Variants in ZFAND5 observed in about 807,000 individuals in gnomAD.
The protein encoded by ZFAND5 is zinc finger AN1-type containing 5.
ZFAND5 carries 4 observed loss-of-function variants against 23.6 expected under a neutral mutation model. The observed-to-expected ratio is 0.17, with a 90% CI of 0.08 to 0.39. The LOEUF (loss-of-function observed/expected upper bound fraction) is 0.39, where lower values mean the gene tolerates loss of function less well. Among genes scored for constraint, ZFAND5 ranks in the 10% least tolerant of loss-of-function variants. The pLI is 1.00. For synonymous variants in ZFAND5, 68 were observed against 80.6 expected (o/e 0.84, Z 0.84); for missense variants, 161 against 253.7 (o/e 0.63, Z 2.48).
At chr9:72,360,453 GTAGA>G in intron 3 of ZFAND5, 171 bp downstream of exon 3, 4 of 918,142 alleles carry the variant, frequency 4.4e-6, no homozygotes, top group Non-Finnish European at 6.6e-6. Flanking sequence ...TAAGATGCTT[GTAGA>G]TAGTCATTCA....
In ZFAND5 at chr9:72,360,717, T is replaced by C; in HGVS notation, c.62A>G (p.Tyr21Cys). 2 of 1,614,120 alleles carry C rather than the reference T, an allele frequency of 1.2e-6. No homozygotes were observed. The highest frequency in any genetic ancestry group is 1.7e-6 in the Non-Finnish European group (2 of 1,179,970). ...PMLCSTGCGF[Y>C]GNPRTNGMCS... ...CATTCCATTTGTCCTAGGATTTCCA[T>C]AAAAGCCACATCCTGTGCTACACAG... The change falls in exon 3 of 7, where the codon TAT becomes TGT. Residue 21 changes from tyrosine to cysteine, a missense_variant. Physicochemically the swap from Tyr to Cys is radical, Grantham distance 194. Coordinates refer to ENST00000376962, the MANE Select transcript of ZFAND5 (RefSeq NM_001102420.3).
chr9:72,364,490 G>C (rs1026668221), intron 1 of ZFAND5: 38 of 1,281,716 alleles, frequency 3.0e-5, no homozygotes, highest in Non-Finnish European at 3.8e-5. Context: ...AGGGACGCCG[G>C]GAGCCAGGTC....
In ZFAND5 at chr9:72,351,806, AGAAACAAACAGGG is replaced by A; in HGVS notation, c.*4134_*4146del. On this transcript the variant is annotated 3_prime_UTR_variant, in exon 7 of 7. Coordinates refer to ENST00000376962, the MANE Select transcript of ZFAND5 (RefSeq NM_001102420.3). The stretch of plus-strand genomic sequence containing the variant: ...TTTTAAAGCAGATTGTACAAACAGG[AGAAACAAACAGGG>A]GAAACTGTATTTCCAGTTTCTTTTT... 1 of 152,056 alleles carries A rather than the reference AGAAACAAACAGGG, an allele frequency of 6.6e-6. No homozygotes were observed. The highest frequency in any genetic ancestry group is 1.9e-4 in the East Asian group (1 of 5,198). 9.4% of individuals were successfully genotyped at this position (152,056 alleles called of 1,614,324 possible).
chr9:72,360,483 G>T, intron 3 of ZFAND5, 145 bp downstream of exon 3: 1 of 1,101,642 alleles, frequency 9.1e-7, no homozygotes, highest in Non-Finnish European at 1.3e-6. Flanking sequence ...GATCAGTCAT[G>T]TCAAGCACTT....
At chr9:72,359,628 C>A in intron 4 of ZFAND5, 107 bp from the exon 5 acceptor site, 1 of 1,016,192 alleles carries the variant, frequency 9.8e-7, no homozygotes, top group South Asian at 1.7e-5. Flanking sequence ...CCAAAATGAG[C>A]AAATGGAGCT....
chr9:72,360,451 T>G (rs1293735621), intron 3 of ZFAND5, 177 bp downstream of exon 3: 11 of 909,646 alleles, frequency 1.2e-5, no homozygotes, highest in Non-Finnish European at 1.8e-5. Flanking sequence ...TATAAGATGC[T>G]TGTAGATAGT....
In ZFAND5 at chr9:72,360,669, T is replaced by A. The variant is rs764571638; in HGVS notation, c.110A>T (p.His37Leu). 1.2e-6 allele frequency: 2 copies of A among 1,614,102 alleles called. No homozygotes were observed. The highest frequency in any genetic ancestry group is 1.7e-6 in the Non-Finnish European group (2 of 1,179,938). The stretch of plus-strand genomic sequence containing the variant: ...GCCACTATTTTGCTGCCTCTGAAGA[T>A]GTTCTTTGTAGCAAACTGAACACAT... Reference protein sequence around the residue: ...NGMCSVCYKEHLQRQQNSGRM... With the variant: ...NGMCSVCYKELLQRQQNSGRM... The change falls in exon 3 of 7, where the codon CAT becomes CTT. Residue 37 changes from histidine (H) to leucine (L), a missense_variant. Physicochemically the swap from His to Leu is moderately conservative, Grantham distance 99 (BLOSUM62 -3). Around this residue, in one of 3 missense-constraint regions of ZFAND5, gnomAD observed 21 missense variants for 58.5 expected, o/e 0.36. Transcript: ENST00000376962.
Position 72,355,732 on chromosome 9 carries a change from A to T in ZFAND5, c.*221T>A, listed in dbSNP as rs541032456. ...ACTTTGCTGTGCAGATTTTCATCCA[A>T]TTTTTTTCAGGGGAGGGCATATACA... On this transcript the variant is annotated 3_prime_UTR_variant, in exon 7 of 7. Coordinates refer to ENST00000376962, the MANE Select transcript of ZFAND5 (RefSeq NM_001102420.3). The T allele has an allele frequency of 1.7e-4, 63 of 364,164 alleles. No homozygotes were observed. Among genetic ancestry groups the T allele is most frequent in the African/African-American group, 1.3e-3 (62 of 47,616 alleles). The allele number at this position is 364,164 out of a possible 1,614,324, so 22.6% of individuals were successfully genotyped here. A position where few individuals can be genotyped will look rare whatever the true frequency, so the allele number is the denominator to read the frequency against.
chr9:72,364,387 C>G (rs890058482), intron 1 of ZFAND5: 3 of 1,177,370 alleles, frequency 2.5e-6, no homozygotes, highest in Non-Finnish European at 3.2e-6. Flanking sequence ...GGTGCCCACG[C>G]CGGGCGCCGC....
intron 4 of ZFAND5, 114 bp downstream of exon 4, chr9:72,359,996 C>G (rs1316430402): frequency 1.2e-6 from 1 of 821,952 alleles, no homozygotes; most frequent in African/African-American, 1.7e-5. Context: ...TTAAAAGACA[C>G]TGAAATCCTC....
At position 72,364,768 on chromosome 9, in the gene ZFAND5, G is replaced by C. The variant is rs897428329; in HGVS notation, c.-219C>G. On this transcript the variant is annotated 5_prime_UTR_variant, in exon 1 of 7. Transcript: ENST00000376962. ...ACGATGAGGCCGGGCCGAGGCCTCC[G>C]GGAAGGCTGAGCCGGGCGCCCTGGT... is the stretch of plus-strand genomic sequence containing the variant. 2.4e-6 allele frequency: 1 copy of C among 423,886 alleles called. No individual in the cohort carries two copies. The allele number at this position is 423,886 out of a possible 1,614,324, so 26.3% of individuals were successfully genotyped here.
Position 72,354,097 on chromosome 9 carries a change from A to C in ZFAND5, c.*1856T>G, listed in dbSNP as rs905627437. On this transcript the variant is annotated 3_prime_UTR_variant, in exon 7 of 7. Coordinates refer to ENST00000376962, the MANE Select transcript of ZFAND5 (RefSeq NM_001102420.3). ...AATCTCTGTATTAGAGCCAAACCCAAAACAGAAATAAAACAGAACTCTTTT... is the reference window on the plus strand; with the variant it reads ...AATCTCTGTATTAGAGCCAAACCCACAACAGAAATAAAACAGAACTCTTTT... 8 of 152,216 alleles carry C rather than the reference A, an allele frequency of 5.3e-5. No individual in the cohort carries two copies. The highest frequency in any genetic ancestry group is 1.7e-4 in the African/African-American group (7 of 41,448). The allele number at this position is 152,216 out of a possible 1,614,324, so 9.4% of individuals were successfully genotyped here.
At chr9:72,364,485 C>G in intron 1 of ZFAND5, 5 of 1,280,786 alleles carry the variant, frequency 3.9e-6, no homozygotes, top group Non-Finnish European at 5.1e-6. Flanking sequence ...GAGCCAGGGA[C>G]GCCGGGAGCC....
intron 5 of ZFAND5, among the ~76,000 whole-genome samples, chr9:72,357,912 C>CT (rs1270002098): frequency 2.0e-5 from 3 of 152,142 alleles, no homozygotes; most frequent in Non-Finnish European, 4.4e-5. Flanking sequence ...AAAGCCCACA[C>CT]TGCCACTAGT....
intron 5 of ZFAND5, 43 bp from the exon 6 acceptor site, chr9:72,357,099 T>TA (rs1233505771): frequency 6.3e-7 from 1 of 1,589,038 alleles, no homozygotes; most frequent in Non-Finnish European, 8.6e-7. Context: ...ATTCACTGGC[T>TA]AACATTTTTA....
Position 72,360,882 on chromosome 9 carries a change from T to C in ZFAND5, c.-9-95A>G, listed in dbSNP as rs1324727507. On this transcript the variant is annotated intron_variant, in intron 2 of 6. Coordinates refer to ENST00000376962, the MANE Select transcript of ZFAND5 (RefSeq NM_001102420.3). ...ACCGTTGTAATTGCTACGCAAGTTT[T>C]AACAAAAGCCCAAATTCCGTTAATC... 7.0e-6 allele frequency: 8 copies of C among 1,150,318 alleles called. No individual in the cohort carries two copies. In the Admixed American group the frequency reaches 2.3e-4, roughly 33 times the overall value. 71.3% of individuals were successfully genotyped at this position (1,150,318 alleles called of 1,614,324 possible).
intron 1 of ZFAND5, 140 bp from the exon 2 acceptor site, chr9:72,363,746 A>C (rs569549105): frequency 3.2e-6 from 2 of 624,726 alleles, no homozygotes; most frequent in African/African-American, 3.9e-5. Context: ...ACTCTTTAAA[A>C]AAAATCCTAA....
chr9:72,360,901 G>T, intron 2 of ZFAND5, 114 bp from the exon 3 acceptor site: 4 of 946,810 alleles, frequency 4.2e-6, no homozygotes, highest in Non-Finnish European at 5.9e-6. Flanking sequence ...CCCAAATTCC[G>T]TTAATCATTA....
Position 72,364,682 on chromosome 9 carries a change from C to T in ZFAND5, c.-147+14G>A, listed in dbSNP as rs923124905. 1.5e-3 allele frequency: 1,599 copies of T among 1,052,680 alleles called. No individual in the cohort carries two copies. Among genetic ancestry groups the T allele is most frequent in the Non-Finnish European group, 1.8e-3 (1,499 of 839,104 alleles). The allele number at this position is 1,052,680 out of a possible 1,614,324, so 65.2% of individuals were successfully genotyped here. A position where few individuals can be genotyped will look rare whatever the true frequency, so the allele number is the denominator to read the frequency against. On this transcript the variant is annotated intron_variant, in intron 1 of 6. Coordinates refer to ENST00000376962, the MANE Select transcript of ZFAND5 (RefSeq NM_001102420.3). ...AAGGAGCCCGGCTCCCACCCGCAGC[C>T]CCGTATCACTCACCCTGCAGGGTCC...
Sources: allele counts gnomAD v4.1 joint callset (sites outside exome capture counted in the v4.1 genomes callset), GRCh38; gene constraint gnomAD v4.1.1; regional missense constraint gnomAD v4.1.1; transcripts MANE v1.5; gene names NCBI Gene and HGNC (gene_info 2026-07-23, HGNC 2026-07-21).